The following NRG1 variants were observed in gnomAD, a reference collection of about 807,000 sequenced individuals.
NRG1 encodes neuregulin 1.
Under a neutral mutation model 63.8 loss-of-function variants are expected in NRG1, and 18 were observed. The ratio of observed to expected loss-of-function variants is 0.28; its 90% CI spans 0.19 to 0.42. The LOEUF (loss-of-function observed/expected upper bound fraction) is 0.42. NRG1 is among the 10% of genes least tolerant of loss of function. The pLI is 1.00. For missense variants in NRG1, 762 were observed against 814.7 expected (o/e 0.94, Z 0.79); for synonymous variants, 302 against 301.3 (o/e 1.00, Z -0.02).
At chr8:31,941,714 G>A (rs1801777130) in intron 1 of NRG1, among the ~76,000 whole-genome samples, 2 of 152,010 alleles carry the variant, frequency 1.3e-5, no homozygotes, top group South Asian at 4.1e-4. Flanking sequence ...CAAAATTAAT[G>A]TAAAAAATTA....
intron 1 of NRG1, among the ~76,000 whole-genome samples, chr8:32,011,355 G>A (rs150252576): frequency 4.6e-5 from 7 of 152,108 alleles, no homozygotes; most frequent in African/African-American, 1.4e-4. Flanking sequence ...CCATTTGCAC[G>A]TTCATGTTCA....
chr8:32,707,384 A>T (rs2128974107), intron 5 of NRG1, among the ~76,000 whole-genome samples: 1 of 152,212 alleles, frequency 6.6e-6, no homozygotes, highest in Non-Finnish European at 1.5e-5. Context: ...TGAGAGAAAG[A>T]TATGAGGGGA....
intron 1 of NRG1, among the ~76,000 whole-genome samples, chr8:32,308,254 C>T (rs1856443638): frequency 6.6e-6 from 1 of 152,166 alleles, no homozygotes; most frequent in South Asian, 2.1e-4. Flanking sequence ...TGATTTGTGG[C>T]CACAGTGATC....
At chr8:31,912,141 C>T (rs1832994220) in intron 1 of NRG1, among the ~76,000 whole-genome samples, 1 of 152,136 alleles carries the variant, frequency 6.6e-6, no homozygotes. Context: ...TTAATATTAG[C>T]ATATTGGGAG....
intron 1 of NRG1, among the ~76,000 whole-genome samples, chr8:31,905,262 G>C (rs1832430946): frequency 6.6e-6 from 1 of 152,078 alleles, no homozygotes; most frequent in Non-Finnish European, 1.5e-5. Context: ...AAGCCTGTTT[G>C]ACTAGCTTCT....
chr8:32,685,838 G>C (rs1809969486), intron 5 of NRG1, among the ~76,000 whole-genome samples: 1 of 152,200 alleles, frequency 6.6e-6, no homozygotes, highest in South Asian at 2.1e-4. Flanking sequence ...ACTAGGGAAT[G>C]ATCCCACAGA....
chr8:32,498,865 T>A (rs1451222973), intron 1 of NRG1, among the ~76,000 whole-genome samples: 2 of 152,234 alleles, frequency 1.3e-5, no homozygotes, highest in African/African-American at 2.4e-5. Context: ...GACAGAGAAC[T>A]GTTCCTGCAT....
intron 1 of NRG1, among the ~76,000 whole-genome samples, chr8:31,757,327 T>C (rs577723265): frequency 1.3e-5 from 2 of 152,270 alleles, no homozygotes; most frequent in East Asian, 3.9e-4. Flanking sequence ...CATCATTCAG[T>C]TAAGAGCTAT....
intron 2 of NRG1, among the ~76,000 whole-genome samples, chr8:32,600,326 AC>A (rs869124922): frequency 4.2e-5 from 1 of 23,928 alleles, no homozygotes; most frequent in Admixed American, 4.4e-4. Context: ...GCAGTGTTGG[AC>A]ACACACACAC....
At position 32,677,862 on chromosome 8, in the gene NRG1, G is replaced by C. The variant is rs554845264; in HGVS notation, c.503-50087G>C. Among the ~76,000 whole-genome samples, 4 of 152,156 alleles carry C rather than the reference G, an allele frequency of 2.6e-5. No homozygotes were observed. In the South Asian group the frequency reaches 8.3e-4, roughly 32 times the overall value. On this transcript the variant is annotated intron_variant, in intron 5 of 11. Transcript: ENST00000356819. Reference sequence around the variant, plus strand: ...ATCGCACTTATAAAGTCAAGAGTAAGCACATTTCTAACAAGGACCAAAACT... The same window carrying C: ...ATCGCACTTATAAAGTCAAGAGTAACCACATTTCTAACAAGGACCAAAACT...
intron 1 of NRG1, among the ~76,000 whole-genome samples, chr8:32,551,232 CTAGTA>C (rs1834040551): frequency 6.6e-6 from 1 of 152,208 alleles, no homozygotes; most frequent in Non-Finnish European, 1.5e-5. Flanking sequence ...TGCCATAACT[CTAGTA>C]TTCACACTTG....
intron 1 of NRG1, among the ~76,000 whole-genome samples, chr8:32,429,499 G>A (rs754452420): frequency 1.3e-5 from 2 of 152,064 alleles, no homozygotes; most frequent in Admixed American, 6.6e-5. Flanking sequence ...AGTAACTTAC[G>A]CAAATATGTA....
intron 1 of NRG1, among the ~76,000 whole-genome samples, chr8:31,879,030 G>C (rs981901775): frequency 2.0e-5 from 3 of 151,976 alleles, no homozygotes; most frequent in African/African-American, 4.8e-5. Flanking sequence ...ACAAAAAAAG[G>C]AAGTGGCATC....
At chr8:32,333,069 T>C (rs1802837658) in intron 1 of NRG1, among the ~76,000 whole-genome samples, 2 of 152,110 alleles carry the variant, frequency 1.3e-5, no homozygotes, top group African/African-American at 4.8e-5. Context: ...AATATAACCA[T>C]TTTTTTAAAG....
At chr8:32,421,750 C>T (rs891561187) in intron 1 of NRG1, among the ~76,000 whole-genome samples, 1 of 152,086 alleles carries the variant, frequency 6.6e-6, no homozygotes, top group Admixed American at 6.6e-5. Context: ...ACTTCGCATA[C>T]ACAGTGCAAC....
At chr8:32,664,888 T>A (rs1293412366) in intron 5 of NRG1, among the ~76,000 whole-genome samples, 2 of 152,198 alleles carry the variant, frequency 1.3e-5, no homozygotes, top group Non-Finnish European at 2.9e-5. Flanking sequence ...CTTTATGTAT[T>A]TATTAATGTG....
intron 5 of NRG1, among the ~76,000 whole-genome samples, chr8:32,689,276 C>T (rs550812467): frequency 9.3e-4 from 138 of 149,116 alleles, no homozygotes; most frequent in Middle Eastern, 3.4e-3. Flanking sequence ...AAACTGGGAT[C>T]GTGGCAACAA....
At chr8:32,217,830 T>A (rs962826908) in intron 1 of NRG1, among the ~76,000 whole-genome samples, 1 of 152,144 alleles carries the variant, frequency 6.6e-6, no homozygotes, top group Admixed American at 6.6e-5. Flanking sequence ...CCTGCCCCCA[T>A]GAAGTTTCAT....
intron 1 of NRG1, among the ~76,000 whole-genome samples, chr8:32,326,738 TA>T (rs553842401): frequency 2.0e-5 from 3 of 152,100 alleles, no homozygotes; most frequent in Non-Finnish European, 4.4e-5. Flanking sequence ...ACTGAATTTT[TA>T]AAAAAATTAG....
Sources: gnomAD v4.1 joint callset for allele counts (sites outside exome capture counted in the v4.1 genomes callset) on GRCh38, gnomAD v4.1.1 for gene constraint, MANE v1.5 for transcripts, NCBI Gene and HGNC (gene_info 2026-07-23, HGNC 2026-07-21) for gene names.